Variants in LZTR1 observed in about 807,000 individuals in gnomAD.
LZTR1 encodes leucine zipper like post translational regulator 1.
In LZTR1, 260 loss-of-function variants were observed where a neutral mutation model predicts 105.7. The ratio of observed to expected loss-of-function variants is 2.46; its 90% confidence interval spans 2.22 to 2.72. LZTR1 has a LOEUF of 2.72. LZTR1 is among the 30% of genes most tolerant of loss of function. The probability of loss-of-function intolerance (pLI) is 0.00; values close to 1 mark genes in which losing one functional copy is unlikely to be tolerated. For missense variants in LZTR1, 1,214 were observed against 1,166.9 expected (o/e 1.04, Z -0.59); for synonymous variants, 490 against 476.4 (o/e 1.03, Z -0.37).
chr22:20,987,524 C>T lies in LZTR1; in HGVS notation c.341C>T (p.Pro114Leu). ...CCCAGGGCCTTTACCACTGGGACCCCACCGGCCCCCCGTTACCACCACTCG... is the reference window on the plus strand; with the variant it reads ...CCCAGGGCCTTTACCACTGGGACCCTACCGGCCCCCCGTTACCACCACTCG... ...SWCRAFTTGTPPAPRYHHSAV... is the reference protein window; with the variant it reads ...SWCRAFTTGTLPAPRYHHSAV... Residue 114 changes from proline to leucine, a missense_variant, in exon 4 of 21, where the codon CCA (proline) becomes CTA (leucine). Physicochemically the swap from Pro to Leu is moderately conservative, Grantham distance 98 (BLOSUM62 -3). Coordinates refer to ENST00000646124, the MANE Select transcript of LZTR1 (RefSeq NM_006767.4). The T allele has an allele frequency of 6.2e-7, 1 of 1,614,012 alleles. No individual in the cohort carries two copies. Among genetic ancestry groups the T allele is most frequent in the Non-Finnish European group, 8.5e-7 (1 of 1,179,892 alleles).
intron 10 of LZTR1, 146 bp from the exon 11 acceptor site, chr22:20,992,648 T>C (rs1488827617): frequency 4.7e-6 from 3 of 642,362 alleles, no homozygotes; most frequent in African/African-American, 3.7e-5. Flanking sequence ...CCTGTGTCTG[T>C]ACCCAGGGGC....
chr22:20,983,862 G>T (rs1316004327), intron 2 of LZTR1, among the ~76,000 whole-genome samples: 1 of 152,080 alleles, frequency 6.6e-6, no homozygotes, highest in Non-Finnish European at 1.5e-5. Context: ...TAGCCGGTGG[G>T]GCCCATTTAC....
In LZTR1 at chr22:20,991,637, C is replaced by T; in HGVS notation, c.801C>T (p.Arg267=). The stretch of plus-strand genomic sequence containing the variant: ...TGTTGTGTACCCCCAGGTGGACACG[C>T]ATCCCAACTGAACACCTGCTCCGGG... ...QFEFKDKTWT[R]IPTEHLLRGS... Residue 267 remains arginine (R), a synonymous_variant, in exon 9 of 21, where the codon CGC becomes CGT. Transcript: ENST00000646124. 1.3e-6 allele frequency: 2 copies of T among 1,594,066 alleles called. No homozygotes were observed. Among genetic ancestry groups the T allele is most frequent in the Non-Finnish European group, 1.7e-6 (2 of 1,175,486 alleles).
intron 4 of LZTR1, 114 bp downstream of exon 4, chr22:20,987,697 T>C (rs1319491834): frequency 1.1e-5 from 11 of 978,322 alleles, no homozygotes; most frequent in Non-Finnish European, 1.6e-5. Context: ...GGGCTCTCTC[T>C]CCACCCGTGG....
Position 20,995,817 on chromosome 22 carries a change from T to A in LZTR1, c.2014T>A (p.Leu672Met). ...AGAEFCDITL[L>M]LDGHPRPAHK... Reference sequence around the variant, plus strand: ...CGCGGAATTCTGTGACATCACTCTGTTGCTTGACGGGCACCCACGGCCAGC... The same window carrying A: ...CGCGGAATTCTGTGACATCACTCTGATGCTTGACGGGCACCCACGGCCAGC... The change falls in exon 17 of 21, where the codon TTG becomes ATG. Residue 672 changes from leucine (L) to methionine (M), a missense_variant. Leu to Met is a conservative substitution (Grantham distance 15). Coordinates refer to ENST00000646124, the MANE Select transcript of LZTR1 (RefSeq NM_006767.4). The A allele has an allele frequency of 6.2e-7, 1 of 1,613,410 alleles. No individual in the cohort carries two copies. Among genetic ancestry groups the A allele is most frequent in the Non-Finnish European group, 8.5e-7 (1 of 1,179,968 alleles).
Position 20,988,769 on chromosome 22 carries a change from C to A in LZTR1, c.510-20C>A. 1.2e-6 allele frequency: 2 copies of A among 1,603,374 alleles called. No individual in the cohort carries two copies. Among genetic ancestry groups the A allele is most frequent in the Non-Finnish European group, 1.7e-6 (2 of 1,170,384 alleles). ...TGTGCTGGGCGGCCTCACTCCCTCC[C>A]CTCTTCCCTCACACTCCAGGTTGCC... On this transcript the variant is annotated intron_variant, in intron 5 of 20. Transcript: ENST00000646124.
In LZTR1 at chr22:20,988,813, TG is replaced by T; in HGVS notation, c.538del (p.Ala180ProfsTer20). 1 of 1,614,058 alleles carries T rather than the reference TG, an allele frequency of 6.2e-7. No individual in the cohort carries two copies. Among genetic ancestry groups the T allele is most frequent in the Non-Finnish European group, 8.5e-7 (1 of 1,179,984 alleles). On this transcript the variant is annotated frameshift_variant, in exon 6 of 21. Transcript: ENST00000646124. LOFTEE classifies it high-confidence loss of function. ...GRLPVARSAH[G>X]ATVYSDKLWI... ...GGTTGCCAGTCGCTAGGTCAGCCCA[TG>T]GGGCCACGGTGTACAGTGACAAGCT...
At chr22:20,986,072 G>C (rs2051081946) in intron 3 of LZTR1, 175 bp downstream of exon 3, 3 of 662,018 alleles carry the variant, frequency 4.5e-6, no homozygotes, top group South Asian at 1.9e-5. Context: ...GTCAGGCTGA[G>C]GAGATCAAGT....
chr22:20,997,298 G>C lies in LZTR1; in HGVS notation c.2473G>C (p.Ala825Pro). Residue 825 changes from alanine to proline, a missense_variant, in exon 21 of 21, where the codon GCC becomes CCC. Ala to Pro is a conservative substitution (Grantham distance 27, BLOSUM62 -1). Transcript: ENST00000646124. ...GCTGCTGGACATCATAGACTCCCTG[G>C]CCTCCCACATCTCAGACAAGCAGTG... ...QLLLDIIDSLASHISDKQCAE... is the reference protein window; with the variant it reads ...QLLLDIIDSLPSHISDKQCAE... 1 of 1,613,802 alleles carries C rather than the reference G, an allele frequency of 6.2e-7. No homozygotes were observed. Among genetic ancestry groups the C allele is most frequent in the Non-Finnish European group, 8.5e-7 (1 of 1,180,002 alleles).
chr22:20,992,518 C>G (rs1184034324), intron 10 of LZTR1, 149 bp downstream of exon 10: 1 of 955,714 alleles, frequency 1.0e-6, no homozygotes, highest in African/African-American at 1.7e-5. Flanking sequence ...GGCCCTCACC[C>G]TGCTGGCCAG....
At position 20,997,519 on chromosome 22, in the gene LZTR1, A is replaced by C. The variant is rs113894701; in HGVS notation, c.*171A>C. 5.3e-3 allele frequency: 3,087 copies of C among 584,874 alleles called. 86 individuals are homozygous for C. The highest frequency in any genetic ancestry group is 0.05 in the African/African-American group (2,704 of 53,640). 36.2% of individuals were successfully genotyped at this position (584,874 alleles called of 1,614,324 possible). On this transcript the variant is annotated 3_prime_UTR_variant, in exon 21 of 21. Coordinates refer to ENST00000646124, the MANE Select transcript of LZTR1 (RefSeq NM_006767.4). The stretch of plus-strand genomic sequence containing the variant: ...TGAGGGGATGTGGGGCCCCAAACTC[A>C]TTAATTCACTGAAGACACAGGTCCC...
rs1265705151 is a variant in LZTR1 at position 20,988,920 on chromosome 22, C to T, written c.593+48C>T. On this transcript the variant is annotated intron_variant, in intron 6 of 20. Transcript: ENST00000646124. ...CACCCCACCTCCGACAGCACTGAGA[C>T]CCGGAGCAGGCCGTCCTGGCATTTG... The T allele has an allele frequency of 5.8e-6, 9 of 1,539,170 alleles. 1 individual carries two copies. The highest frequency in any genetic ancestry group is 8.1e-6 in the Non-Finnish European group (9 of 1,114,086).
chr22:20,992,485 C>T lies in LZTR1; in HGVS notation c.1149+116C>T, dbSNP rs998153643. On this transcript the variant is annotated intron_variant, in intron 10 of 20. Coordinates refer to ENST00000646124, the MANE Select transcript of LZTR1 (RefSeq NM_006767.4). The stretch of plus-strand genomic sequence containing the variant: ...GAGAAATACTTGCTTGGGGTCACAC[C>T]ACAAAGGGGGTACAGGGCCAAGGGC... The T allele has an allele frequency of 2.5e-5, 30 of 1,217,604 alleles. No homozygotes were observed. In the East Asian group the frequency reaches 6.1e-4, roughly 25 times the overall value. 75.4% of individuals were successfully genotyped at this position (1,217,604 alleles called of 1,614,324 possible).
At chr22:20,993,611 G>T in intron 11 of LZTR1, 51 bp from the exon 12 acceptor site, 2 of 1,521,204 alleles carry the variant, frequency 1.3e-6, no homozygotes, top group East Asian at 2.3e-5. Flanking sequence ...CAGCCACACT[G>T]GGGCCACCCT....
intron 3 of LZTR1, chr22:20,987,217 A>G (rs1385111673): frequency 3.2e-6 from 1 of 311,592 alleles, no homozygotes; most frequent in Admixed American, 4.7e-5. Context: ...AACATGGTGA[A>G]ACCCCGTCTC....
rs1263566071 is a variant in LZTR1 at position 20,996,802 on chromosome 22, G to A, written c.2325+1G>A. 8 of 1,613,476 alleles carry A rather than the reference G, an allele frequency of 5.0e-6. No homozygotes were observed. Among genetic ancestry groups the A allele is most frequent in the African/African-American group, 2.7e-5 (2 of 74,934 alleles). ...CGTGACGGTGCAGAACGTGCTGCAGGTAGCCCCCCAGCCCCGTGCACATGG... is the reference window on the plus strand; with the variant it reads ...CGTGACGGTGCAGAACGTGCTGCAGATAGCCCCCCAGCCCCGTGCACATGG... On this transcript the variant is annotated splice_donor_variant, in intron 19 of 20. Transcript: ENST00000646124. LOFTEE classifies it high-confidence loss of function.
intron 1 of LZTR1, 135 bp downstream of exon 1, chr22:20,982,706 C>T: frequency 2.3e-6 from 2 of 876,956 alleles, no homozygotes; most frequent in Non-Finnish European, 3.6e-6. Context: ...CTGTACAGGA[C>T]GCTGTTCAGG....
At chr22:20,985,985 T>C in intron 3 of LZTR1, 88 bp downstream of exon 3, 1 of 1,368,806 alleles carries the variant, frequency 7.3e-7, no homozygotes. Flanking sequence ...AGAGTCTCTC[T>C]CATCATGGGA....
At position 20,987,397 on chromosome 22, in the gene LZTR1, A is replaced by G. The variant is rs1304170887; in HGVS notation, c.321-107A>G. Reference sequence around the variant, plus strand: ...GAGAGAGACTCCGTCTCAAAAAAAAAAAAAAAGAAAAAAGAAAGGCAGCAC... The same window carrying G: ...GAGAGAGACTCCGTCTCAAAAAAAAGAAAAAAGAAAAAAGAAAGGCAGCAC... On this transcript the variant is annotated intron_variant, in intron 3 of 20. Coordinates refer to ENST00000646124, the MANE Select transcript of LZTR1 (RefSeq NM_006767.4). The G allele has an allele frequency of 1.2e-4, 77 of 659,802 alleles. 1 individual carries two copies. The African/African-American group carries it at 1.2e-3, about 10-fold the overall frequency. The allele number at this position is 659,802 out of a possible 1,614,324, so 40.9% of individuals were successfully genotyped here.
Sources: allele counts gnomAD v4.1 joint callset (sites outside exome capture counted in the v4.1 genomes callset), GRCh38; gene constraint gnomAD v4.1.1; transcripts MANE v1.5; gene names NCBI Gene and HGNC (gene_info 2026-07-23, HGNC 2026-07-21).